The following SUPT3H variants were observed in gnomAD, a reference collection of about 807,000 sequenced individuals.
The protein encoded by SUPT3H is SPT3 homolog, SAGA and STAGA complex component.
In SUPT3H, 44 loss-of-function variants were observed where a neutral mutation model predicts 44.3. The ratio of observed to expected loss-of-function variants is 0.99; its 90% CI spans 0.78 to 1.28. The LOEUF (loss-of-function observed/expected upper bound fraction) is 1.28. SUPT3H is among the 50% of genes most tolerant of loss of function. SUPT3H has a pLI of 0.00. For missense variants in SUPT3H, 380 were observed against 387.1 expected (o/e 0.98, Z 0.15); for synonymous variants, 124 against 125.6 (o/e 0.99, Z 0.09).
Position 45,058,676 on chromosome 6 carries a change from C to T in SUPT3H, c.187-38044G>A, listed in dbSNP as rs79124438. On this transcript the variant is annotated intron_variant, in intron 3 of 10. Coordinates refer to ENST00000371459, the MANE Select transcript of SUPT3H (RefSeq NM_003599.4). ...GCTATTGTTGAGAAACACTGCACTA[C>T]AGTATAACTTCAGCTCCCTTTCCAG... Among the ~76,000 whole-genome samples, 20 of 152,210 alleles carry T rather than the reference C, an allele frequency of 1.3e-4. No individual in the cohort carries two copies. The East Asian group carries it at 3.1e-3, about 23-fold the overall frequency.
At chr6:44,815,721 C>T (rs1338575131) in intron 11 of SUPT3H, among the ~76,000 whole-genome samples, 1 of 151,898 alleles carries the variant, frequency 6.6e-6, no homozygotes, top group African/African-American at 2.4e-5. Context: ...GATAAGTCTA[C>T]AATATTAATT....
rs149029686 is a variant in SUPT3H at position 44,961,807 on chromosome 6, T to C, written c.526A>G (p.Ile176Val). The C allele has an allele frequency of 1.2e-4, 194 of 1,607,572 alleles. No homozygotes were observed. The African/African-American group carries it at 2.4e-3, about 20-fold the overall frequency. The change falls in exon 7 of 11, where the codon ATT becomes GTT. Residue 176 changes from isoleucine to valine, a missense_variant. Ile to Val is a conservative substitution (Grantham distance 29). Coordinates refer to ENST00000371459, the MANE Select transcript of SUPT3H (RefSeq NM_003599.4). The part of the protein sequence containing the change: ...RMERAERQTR[I>V]MDSAQYAEFC... The stretch of plus-strand genomic sequence containing the variant: ...TCTGCATATTGAGCTGAATCCATAA[T>C]TCGAGTTTGTCTTTCTGCTCTCTAA...
At chr6:45,014,768 T>A in intron 5 of SUPT3H, 33 bp downstream of exon 5, 1 of 1,440,910 alleles carries the variant, frequency 6.9e-7, no homozygotes, top group Non-Finnish European at 9.4e-7. Flanking sequence ...TGTCATAAGC[T>A]CATGTTTTAG....
intron 6 of SUPT3H, among the ~76,000 whole-genome samples, chr6:44,969,578 G>T (rs1457767478): frequency 6.6e-6 from 1 of 151,912 alleles, no homozygotes; most frequent in Non-Finnish European, 1.5e-5. Flanking sequence ...AACAGCAGAG[G>T]CTTGAATATA....
chr6:44,985,929 T>C (rs1254201404), intron 6 of SUPT3H, among the ~76,000 whole-genome samples: 1 of 152,192 alleles, frequency 6.6e-6, no homozygotes, highest in Non-Finnish European at 1.5e-5. Flanking sequence ...TCATGTGTTT[T>C]TAAAATTTTT....
intron 5 of SUPT3H, 147 bp from the exon 6 acceptor site, chr6:45,003,939 T>A: frequency 1.1e-6 from 1 of 873,488 alleles, no homozygotes; most frequent in Non-Finnish European, 1.7e-6. Context: ...GCATTCAAAA[T>A]AAAAGTATAA....
At chr6:45,018,844 G>C (rs1784698666) in intron 4 of SUPT3H, among the ~76,000 whole-genome samples, 1 of 151,662 alleles carries the variant, frequency 6.6e-6, no homozygotes, top group Admixed American at 6.6e-5. Context: ...TTTGGTATCA[G>C]GATGATGCTG....
chr6:45,049,278 T>C (rs1484256946), intron 3 of SUPT3H, among the ~76,000 whole-genome samples: 2 of 152,152 alleles, frequency 1.3e-5, no homozygotes, highest in Non-Finnish European at 2.9e-5. Flanking sequence ...CTGGATCTCA[T>C]TTATGTGGAT....
intron 9 of SUPT3H, among the ~76,000 whole-genome samples, chr6:44,941,423 C>T (rs1772412272): frequency 1.6e-4 from 1 of 6,136 alleles, no homozygotes; most frequent in Admixed American, 2.9e-3. Context: ...TTTTGGCTGA[C>T]AGTTTTTTTC....
At chr6:45,339,617 TAC>T (rs148117257) in intron 2 of SUPT3H, among the ~76,000 whole-genome samples, 3,650 of 152,146 alleles carry the variant, frequency 0.024, 146 homozygotes, top group African/African-American at 0.082. Flanking sequence ...AAATAAGAAG[TAC>T]AGAGGATTCC....
chr6:45,319,530 C>G (rs572849231), intron 2 of SUPT3H, among the ~76,000 whole-genome samples: 1 of 152,066 alleles, frequency 6.6e-6, no homozygotes, highest in African/African-American at 2.4e-5. Flanking sequence ...GGCTAAAGAT[C>G]TGAAATTCAG....
chr6:44,903,880 C>G (rs567230085), intron 10 of SUPT3H, among the ~76,000 whole-genome samples: 2 of 152,074 alleles, frequency 1.3e-5, no homozygotes, highest in African/African-American at 4.8e-5. Flanking sequence ...GTTCAACATA[C>G]GAAAATCAAT....
intron 2 of SUPT3H, among the ~76,000 whole-genome samples, chr6:45,302,667 T>G (rs970562693): frequency 1.3e-5 from 2 of 151,722 alleles, no homozygotes; most frequent in Non-Finnish European, 2.9e-5. Flanking sequence ...AACTATCTTT[T>G]CTGTATAGCA....
intron 9 of SUPT3H, among the ~76,000 whole-genome samples, chr6:44,944,548 C>A (rs981732649): frequency 2.2e-4 from 33 of 151,110 alleles, no homozygotes; most frequent in African/African-American, 7.3e-4. Flanking sequence ...CGCTTGAGCC[C>A]AGGAGTTTGA....
intron 2 of SUPT3H, among the ~76,000 whole-genome samples, chr6:45,298,698 A>C (rs1781667803): frequency 6.6e-6 from 1 of 152,148 alleles, no homozygotes. Context: ...AAAATGACTA[A>C]AATTGGCCAA....
At chr6:45,088,010 A>G (rs752704334) in intron 3 of SUPT3H, among the ~76,000 whole-genome samples, 1 of 152,062 alleles carries the variant, frequency 6.6e-6, no homozygotes, top group Non-Finnish European at 1.5e-5. Context: ...AATGATAGTT[A>G]AGTTCTATTC....
chr6:45,155,505 A>G (rs1044705802), intron 2 of SUPT3H, among the ~76,000 whole-genome samples: 5 of 152,146 alleles, frequency 3.3e-5, no homozygotes, highest in African/African-American at 1.2e-4. Context: ...TTAACACTAC[A>G]TTGTTACTTC....
chr6:45,328,206 C>A, intron 2 of SUPT3H: 1 of 1,114,170 alleles, frequency 9.0e-7, no homozygotes, highest in Non-Finnish European at 1.2e-6. Flanking sequence ...CAGTGGTAGG[C>A]AGTCCCACTT....
chr6:45,124,487 A>T (rs2153580761), intron 2 of SUPT3H, among the ~76,000 whole-genome samples: 1 of 152,026 alleles, frequency 6.6e-6, no homozygotes, highest in African/African-American at 2.4e-5. Flanking sequence ...TCTACTAAAA[A>T]TACAAAAATT....
Sources: allele counts gnomAD v4.1 joint callset (sites outside exome capture counted in the v4.1 genomes callset), GRCh38; gene constraint gnomAD v4.1.1; transcripts MANE v1.5; gene names NCBI Gene and HGNC (gene_info 2026-07-23, HGNC 2026-07-21).